Variants in TBC1D5 observed in about 807,000 individuals in gnomAD.
The protein encoded by TBC1D5 is TBC1 domain family, member 5.
A neutral mutation model predicts 100.3 loss-of-function variants in TBC1D5; 75 were observed. The observed-to-expected ratio is 0.75, with a 90% confidence interval of 0.62 to 0.91. The LOEUF is 0.91. Ranked by LOEUF, TBC1D5 falls within the 40% of genes least tolerant of loss-of-function variation. The pLI, the probability that TBC1D5 is intolerant of heterozygous loss-of-function variation, is 0.00. For missense variants in TBC1D5, 910 were observed against 942.4 expected (o/e 0.97, Z 0.45); for synonymous variants, 323 against 325.6 (o/e 0.99, Z 0.09).
intron 13 of TBC1D5, among the ~76,000 whole-genome samples, chr3:17,335,928 T>C (rs1375044374): frequency 1.3e-5 from 2 of 152,138 alleles, no homozygotes; most frequent in Non-Finnish European, 2.9e-5. Flanking sequence ...TGCTGGCTTC[T>C]TTCCTTGTTT....
chr3:17,607,514 T>C (rs901060060), intron 2 of TBC1D5, among the ~76,000 whole-genome samples: 2 of 151,630 alleles, frequency 1.3e-5, no homozygotes, highest in African/African-American at 2.4e-5. Context: ...TTCTCAGAGA[T>C]TGCGAAGGAA....
At chr3:17,547,922 C>T (rs1387208834) in intron 2 of TBC1D5, among the ~76,000 whole-genome samples, 1 of 152,110 alleles carries the variant, frequency 6.6e-6, no homozygotes, top group Non-Finnish European at 1.5e-5. Flanking sequence ...TCTTTTACTT[C>T]TTTTAAATTT....
At chr3:17,532,409 A>G (rs923598364) in intron 2 of TBC1D5, among the ~76,000 whole-genome samples, 12 of 152,216 alleles carry the variant, frequency 7.9e-5, no homozygotes, top group Admixed American at 7.9e-4. Flanking sequence ...TAGTTCAACC[A>G]TTGTGGAAGT....
At chr3:17,576,944 T>C (rs1185588312) in intron 2 of TBC1D5, among the ~76,000 whole-genome samples, 1 of 152,004 alleles carries the variant, frequency 6.6e-6, no homozygotes, top group African/African-American at 2.4e-5. Flanking sequence ...TCACATGTAA[T>C]ATAGGAAAAA....
chr3:17,642,301 G>C (rs1268344345), intron 1 of TBC1D5, among the ~76,000 whole-genome samples: 1 of 151,996 alleles, frequency 6.6e-6, no homozygotes, highest in Admixed American at 6.6e-5. Flanking sequence ...TCTGCAGTTA[G>C]GCAACGTGCT....
chr3:17,275,813 AG>A (rs1023444799), intron 15 of TBC1D5, among the ~76,000 whole-genome samples: 27 of 152,178 alleles, frequency 1.8e-4, no homozygotes, highest in African/African-American at 6.5e-4. Flanking sequence ...CCAGGACCCC[AG>A]TAAGACTACC....
chr3:17,648,255 T>C (rs1010815153), intron 1 of TBC1D5, among the ~76,000 whole-genome samples: 1 of 152,106 alleles, frequency 6.6e-6, no homozygotes, highest in African/African-American at 2.4e-5. Flanking sequence ...CAATAAATGG[T>C]GCTGGGATGA....
chr3:17,402,991 C>T (rs1391955414), intron 8 of TBC1D5, among the ~76,000 whole-genome samples, 190 bp downstream of exon 8: 4 of 151,948 alleles, frequency 2.6e-5, no homozygotes, highest in Non-Finnish European at 5.9e-5. Flanking sequence ...AAAAAGGGAA[C>T]ATAGAAATGT....
At chr3:17,414,016 A>T (rs1164094695) in intron 4 of TBC1D5, among the ~76,000 whole-genome samples, 1 of 152,194 alleles carries the variant, frequency 6.6e-6, no homozygotes, top group Non-Finnish European at 1.5e-5. Flanking sequence ...TGGAAGAAAA[A>T]AGAGATAAGG....
intron 4 of TBC1D5, among the ~76,000 whole-genome samples, chr3:17,407,990 T>TA (rs2093818465): frequency 6.6e-6 from 1 of 152,144 alleles, no homozygotes; most frequent in Non-Finnish European, 1.5e-5. Context: ...GCTTCCTTTG[T>TA]AAAACCTGCT....
chr3:17,629,984 G>C (rs1046417183), intron 1 of TBC1D5, among the ~76,000 whole-genome samples: 1 of 152,158 alleles, frequency 6.6e-6, no homozygotes, highest in Non-Finnish European at 1.5e-5. Context: ...AATAAGGCAG[G>C]ATGACAGGCA....
At chr3:17,428,510 T>C in exon 4 of TBC1D5, 1 of 1,508,858 alleles carries the variant, frequency 6.6e-7, no homozygotes, top group Non-Finnish European at 8.9e-7. Context: ...TCCATTTTTA[T>C]TTGAATCTCC....
exon 11 of TBC1D5, chr3:17,374,640 T>C: frequency 1.2e-6 from 2 of 1,611,466 alleles, no homozygotes; most frequent in Non-Finnish European, 1.7e-6. Flanking sequence ...AGGCATCATG[T>C]TCCAGATACT....
At chr3:17,433,266 A>G (rs2094476614) in intron 3 of TBC1D5, among the ~76,000 whole-genome samples, 1 of 152,212 alleles carries the variant, frequency 6.6e-6, no homozygotes, top group Admixed American at 6.5e-5. Flanking sequence ...AAGCCAAACT[A>G]AACACCCGAT....
chr3:17,210,884 T>C (rs1323065197), intron 18 of TBC1D5, among the ~76,000 whole-genome samples: 1 of 152,164 alleles, frequency 6.6e-6, no homozygotes, highest in Non-Finnish European at 1.5e-5. Flanking sequence ...TTATATTCTA[T>C]TTTCAGGGGA....
chr3:17,363,442 T>C (rs1466405445), intron 13 of TBC1D5, among the ~76,000 whole-genome samples: 1 of 152,084 alleles, frequency 6.6e-6, no homozygotes, highest in Non-Finnish European at 1.5e-5. Context: ...TTAATTTGTA[T>C]ATTTCTTTCC....
rs548384230 is a variant in TBC1D5 at position 17,543,937 on chromosome 3, G to A, written c.-35-35332C>T. Among the ~76,000 whole-genome samples the A allele has an allele frequency of 4.3e-4, 65 of 151,254 alleles. No individual in the cohort carries two copies. The Middle Eastern group carries it at 0.01, about 24-fold the overall frequency. ...GGCTGGAGTGCAGTGGCGCGATCTC[G>A]GCTCACTGCAACCTCCACCTCCCAG... is the stretch of plus-strand genomic sequence containing the variant. On this transcript the variant is annotated intron_variant, in intron 2 of 21. Coordinates refer to ENST00000253692, the Ensembl canonical transcript of TBC1D5.
At chr3:17,578,396 G>A (rs2096671016) in intron 2 of TBC1D5, among the ~76,000 whole-genome samples, 1 of 151,892 alleles carries the variant, frequency 6.6e-6, no homozygotes, top group South Asian at 2.1e-4. Context: ...AAAAATACAG[G>A]TTTAGATTTG....
intron 3 of TBC1D5, among the ~76,000 whole-genome samples, chr3:17,495,160 TTTG>T (rs2095690944): frequency 6.6e-6 from 1 of 152,202 alleles, no homozygotes; most frequent in South Asian, 2.1e-4. Flanking sequence ...AGCCGCCACT[TTTG>T]TTTTCCTCCA....
Sources: gnomAD v4.1 joint callset for allele counts (sites outside exome capture counted in the v4.1 genomes callset) on GRCh38, gnomAD v4.1.1 for gene constraint, MANE v1.5 for transcripts, NCBI Gene and HGNC (gene_info 2026-07-23, HGNC 2026-07-21) for gene names.